Variants in PUS7 observed in about 807,000 individuals in gnomAD.
The protein encoded by PUS7 is pseudouridylate synthase 7 homolog.
In PUS7, 48 loss-of-function variants were observed where a neutral mutation model predicts 79.8. The ratio of observed to expected loss-of-function variants is 0.60; its 90% CI spans 0.48 to 0.76. The LOEUF is 0.76. Ranked by LOEUF, PUS7 falls within the 30% of genes least tolerant of loss-of-function variation. The pLI is 0.00. For missense variants in PUS7, 729 were observed against 797.6 expected (o/e 0.91, Z 1.04); for synonymous variants, 286 against 272.2 (o/e 1.05, Z -0.50).
At chr7:105,485,494 G>A (rs1824508910) in intron 7 of PUS7, among the ~76,000 whole-genome samples, 1 of 152,242 alleles carries the variant, frequency 6.6e-6, no homozygotes, top group Non-Finnish European at 1.5e-5. Context: ...ACAGGCATGA[G>A]CCACCTTGCT....
chr7:105,512,013 C>T (rs1033201733), intron 1 of PUS7, among the ~76,000 whole-genome samples: 22 of 151,668 alleles, frequency 1.5e-4, no homozygotes, highest in African/African-American at 4.6e-4. Flanking sequence ...GGCATGGTGG[C>T]GGGCGCCTGT....
intron 15 of PUS7, among the ~76,000 whole-genome samples, chr7:105,458,507 T>A (rs1823281790): frequency 6.6e-6 from 1 of 151,268 alleles, no homozygotes; most frequent in Admixed American, 6.6e-5. Context: ...CCTCAAGTGA[T>A]CCACTTGTCT....
intron 12 of PUS7, 39 bp downstream of exon 12, chr7:105,468,298 C>G: frequency 6.3e-7 from 1 of 1,597,222 alleles, no homozygotes; most frequent in Non-Finnish European, 8.5e-7. Context: ...CTAACTGAAC[C>G]CTAGCTTAGC....
chr7:105,519,437 G>A (rs564982847), intron 1 of PUS7, among the ~76,000 whole-genome samples: 1 of 152,044 alleles, frequency 6.6e-6, no homozygotes, highest in East Asian at 1.9e-4. Context: ...AGGGGGTTTC[G>A]CCATGTTGGC....
At chr7:105,516,334 C>T (rs187291317) in intron 1 of PUS7, among the ~76,000 whole-genome samples, 142 of 152,176 alleles carry the variant, frequency 9.3e-4, no homozygotes, top group African/African-American at 3.2e-3. Context: ...GGCCTAAAAG[C>T]GGAGAGCATA....
chr7:105,504,677 A>G (rs1825385941), intron 4 of PUS7, among the ~76,000 whole-genome samples: 2 of 152,236 alleles, frequency 1.3e-5, no homozygotes, highest in South Asian at 4.1e-4. Context: ...ACGAAAATAC[A>G]TATTATAAGC....
Position 105,457,942 on chromosome 7 carries a change from G to A in PUS7, c.1850-16C>T. The stretch of plus-strand genomic sequence containing the variant: ...TATTTGCCTTCTGCAAGGCAAGAAA[G>A]AAAACAGTCAGAAAATGAAGGCAGC... On this transcript the variant is annotated splice_polypyrimidine_tract_variant and intron_variant, in intron 15 of 15. Transcript: ENST00000469408. 1 of 1,610,690 alleles carries A rather than the reference G, an allele frequency of 6.2e-7. No individual in the cohort carries two copies. The highest frequency in any genetic ancestry group is 1.1e-5 in the South Asian group (1 of 90,794).
At chr7:105,458,490 C>T (rs1823280780) in intron 15 of PUS7, among the ~76,000 whole-genome samples, 1 of 151,172 alleles carries the variant, frequency 6.6e-6, no homozygotes, top group Admixed American at 6.6e-5. Context: ...TGGTCTGGAA[C>T]TCCTGACCTC....
rs148835593 is a variant in PUS7, at chr7:105,495,168, A to G, written c.816T>C (p.Ala272=). ...TTAAGTATTTGGAGAGTACATTAATAGCATCCATGGTGTCTTTGTTTTCCT... is the reference window on the plus strand; with the variant it reads ...TTAAGTATTTGGAGAGTACATTAATGGCATCCATGGTGTCTTTGTTTTCCT... The part of the protein sequence containing the change: ...LYKENKDTMD[A]INVLSKYLRV... Residue 272 remains alanine, a synonymous_variant, in exon 6 of 16, where the codon GCT becomes GCC. Transcript: ENST00000469408. 3.6e-4 allele frequency: 576 copies of G among 1,608,488 alleles called. 4 individuals carry two copies. In the African/African-American group the frequency reaches 7.1e-3, roughly 20 times the overall value.
At chr7:105,504,983 T>C (rs1055597493) in intron 4 of PUS7, among the ~76,000 whole-genome samples, 5 of 151,770 alleles carry the variant, frequency 3.3e-5, no homozygotes, top group African/African-American at 1.2e-4. Flanking sequence ...TAAAATGTAG[T>C]ACAAAATTAA....
rs1446765557 is a variant in PUS7 at position 105,508,662 on chromosome 7, T to C, written c.-32-118A>G. On this transcript the variant is annotated intron_variant, in intron 1 of 15. Transcript: ENST00000469408. ...AGGGAGGTTAAGGCAGGCAGATCAC[T>C]TGAGGTCAGGAGTTCAAGACCAGCC... is the stretch of plus-strand genomic sequence containing the variant. 3 of 1,347,866 alleles carry C rather than the reference T, an allele frequency of 2.2e-6. No individual in the cohort carries two copies. In the Admixed American group the frequency reaches 8.5e-5, roughly 38 times the overall value. 83.5% of individuals were successfully genotyped at this position (1,347,866 alleles called of 1,614,324 possible). A position where few individuals can be genotyped will look rare whatever the true frequency, so the allele number is the denominator to read the frequency against.
intron 1 of PUS7, among the ~76,000 whole-genome samples, chr7:105,511,636 C>T (rs1193430256): frequency 3.3e-5 from 5 of 151,452 alleles, no homozygotes; most frequent in Non-Finnish European, 7.4e-5. Flanking sequence ...GGGCACACAC[C>T]TGTAATCTCA....
chr7:105,491,405 A>G (rs1824774046), intron 7 of PUS7, 135 bp downstream of exon 7: 2 of 457,562 alleles, frequency 4.4e-6, no homozygotes, highest in Non-Finnish European at 7.6e-6. Flanking sequence ...AAAAAAACAG[A>G]ATGAAAAGTA....
At chr7:105,482,618 T>G (rs1183052274) in intron 7 of PUS7, among the ~76,000 whole-genome samples, 178 bp from the exon 8 acceptor site, 2 of 152,114 alleles carry the variant, frequency 1.3e-5, no homozygotes, top group Admixed American at 6.6e-5. Context: ...TCTGCATTCT[T>G]CCTTCAGTGT....
Position 105,522,156 on chromosome 7 carries a change from C to G in PUS7, c.-137G>C, listed in dbSNP as rs925574137. On this transcript the variant is annotated 5_prime_UTR_variant, in exon 1 of 16. Coordinates refer to ENST00000469408, the MANE Select transcript of PUS7 (RefSeq NM_019042.5). ...GAAGGCCACTTGGATGAGCCAGCGG[C>G]TAGGGCGGCCAGGCAAAAGCAGCGC... 3 of 152,124 alleles carry G rather than the reference C, an allele frequency of 2.0e-5. No individual in the cohort carries two copies. Among genetic ancestry groups the G allele is most frequent in the African/African-American group, 4.8e-5 (2 of 41,434 alleles). 9.4% of individuals were successfully genotyped at this position (152,124 alleles called of 1,614,324 possible).
chr7:105,474,813 T>TAGG (rs1824023368), intron 9 of PUS7, among the ~76,000 whole-genome samples: 3 of 152,018 alleles, frequency 2.0e-5, no homozygotes, highest in Non-Finnish European at 4.4e-5. Context: ...AAAAAACCTT[T>TAGG]GTTAAATATC....
chr7:105,482,239 C>T, intron 8 of PUS7, 73 bp downstream of exon 8: 2 of 1,530,148 alleles, frequency 1.3e-6, no homozygotes, highest in Non-Finnish European at 9.0e-7. Context: ...GACCTTATGA[C>T]CAACCGTGAG....
chr7:105,516,131 T>C (rs1053330438), intron 1 of PUS7, among the ~76,000 whole-genome samples: 6 of 151,534 alleles, frequency 4.0e-5, no homozygotes, highest in African/African-American at 1.5e-4. Flanking sequence ...TTTTAGTAGA[T>C]ACCAGGTTTT....
chr7:105,485,774 C>G (rs1307495414), intron 7 of PUS7, among the ~76,000 whole-genome samples: 1 of 152,196 alleles, frequency 6.6e-6, no homozygotes, highest in Non-Finnish European at 1.5e-5. Context: ...TAGTCATGTT[C>G]CAGTATGAAA....
Sources: allele counts gnomAD v4.1 joint callset (sites outside exome capture counted in the v4.1 genomes callset), GRCh38; gene constraint gnomAD v4.1.1; transcripts MANE v1.5; gene names NCBI Gene and HGNC (gene_info 2026-07-23, HGNC 2026-07-21).